The following NRXN1 variants were observed in gnomAD, a reference collection of about 807,000 sequenced individuals.
The protein encoded by NRXN1 is neurexin-1.
In NRXN1, 39 loss-of-function variants were observed where a neutral mutation model predicts 150.9. That is an observed-to-expected ratio of 0.26 (90% CI 0.20 to 0.34). The LOEUF (loss-of-function observed/expected upper bound fraction) is 0.34. Among genes scored for constraint, NRXN1 ranks in the 10% least tolerant of loss-of-function variants. The pLI, the probability that NRXN1 is intolerant of heterozygous loss-of-function variation, is 1.00. For synonymous variants in NRXN1, 924 were observed against 757.0 expected (o/e 1.22, Z -3.62); for missense variants, 1,815 against 1,949.9 (o/e 0.93, Z 1.30).
rs555013247 is a variant in NRXN1 at position 50,625,197 on chromosome 2, A to G, written c.833-1582T>C. On this transcript the variant is annotated intron_variant, in intron 5 of 22. Coordinates refer to ENST00000401669, the MANE Select transcript of NRXN1 (RefSeq NM_001330078.2). ...ATTGTCAAATAACTCACGTCCTGGA[A>G]TCAGAGCTCAAATCGCTTTCAACGC... Among the ~76,000 whole-genome samples, 63 of 152,140 alleles carry G rather than the reference A, an allele frequency of 4.1e-4. 1 individual carries two copies. Among genetic ancestry groups the G allele is most frequent in the African/African-American group, 1.3e-3 (54 of 41,534 alleles).
chr2:50,881,922 C>A (rs1327476274), intron 5 of NRXN1, among the ~76,000 whole-genome samples: 3 of 151,566 alleles, frequency 2.0e-5, no homozygotes, highest in East Asian at 2.0e-4. Flanking sequence ...ATAATACAAA[C>A]TTTTTTTTCT....
intron 5 of NRXN1, among the ~76,000 whole-genome samples, chr2:50,849,188 G>C (rs1406028743): frequency 6.6e-6 from 1 of 152,132 alleles, no homozygotes; most frequent in Non-Finnish European, 1.5e-5. Flanking sequence ...TTATAAGTGG[G>C]CAAGAAGGTC....
chr2:50,884,547 C>G (rs777877347), intron 5 of NRXN1, among the ~76,000 whole-genome samples: 7 of 151,612 alleles, frequency 4.6e-5, no homozygotes, highest in African/African-American at 9.7e-5. Flanking sequence ...TACTAGAGAT[C>G]ATGTATTCAT....
At chr2:50,302,920 TCCATC>T (rs1467888091) in intron 17 of NRXN1, among the ~76,000 whole-genome samples, 4 of 8,972 alleles carry the variant, frequency 4.5e-4, no homozygotes, top group Non-Finnish European at 6.0e-4. Flanking sequence ...AGGCCATCCA[TCCATC>T]CATCCATCCA....
At chr2:50,593,244 T>C (rs1457717164) in intron 8 of NRXN1, among the ~76,000 whole-genome samples, 3 of 152,216 alleles carry the variant, frequency 2.0e-5, no homozygotes, top group Admixed American at 1.3e-4. Flanking sequence ...TGCACAAGAA[T>C]ATGTTTGGAG....
chr2:50,064,433 C>CT (rs70946885), intron 19 of NRXN1, among the ~76,000 whole-genome samples: 91,711 of 148,110 alleles, frequency 0.62, 28,387 homozygotes, highest in Middle Eastern at 0.67. Flanking sequence ...GTGGGATCTT[C>CT]TTTTTTTTTT....
chr2:50,540,112 G>T (rs1401937245), intron 9 of NRXN1, among the ~76,000 whole-genome samples: 1 of 152,150 alleles, frequency 6.6e-6, no homozygotes, highest in Non-Finnish European at 1.5e-5. Flanking sequence ...AGGTGGCCGA[G>T]TCATTAAGAG....
At chr2:50,784,120 G>C (rs563045004) in intron 5 of NRXN1, among the ~76,000 whole-genome samples, 20 of 151,936 alleles carry the variant, frequency 1.3e-4, no homozygotes, top group Admixed American at 5.3e-4. Flanking sequence ...TGTATGGGTG[G>C]GTATGTATGT....
At chr2:49,991,289 T>C (rs1327036536) in intron 21 of NRXN1, among the ~76,000 whole-genome samples, 1 of 152,054 alleles carries the variant, frequency 6.6e-6, no homozygotes, top group Admixed American at 6.5e-5. Context: ...GAAATAAAAC[T>C]ATCTTTGCTT....
intron 17 of NRXN1, among the ~76,000 whole-genome samples, chr2:50,357,535 C>T (rs2078907385): frequency 1.3e-5 from 2 of 151,816 alleles, no homozygotes; most frequent in East Asian, 3.9e-4. Flanking sequence ...CTCGAACTCC[C>T]AACCTCAGGT....
At chr2:50,675,935 A>T (rs578203119) in intron 5 of NRXN1, among the ~76,000 whole-genome samples, 20 of 152,152 alleles carry the variant, frequency 1.3e-4, no homozygotes, top group Non-Finnish European at 2.5e-4. Flanking sequence ...CCAGTCAAAA[A>T]GACAAAATAT....
intron 17 of NRXN1, among the ~76,000 whole-genome samples, chr2:50,292,090 T>G (rs1301094254): frequency 1.3e-5 from 2 of 152,116 alleles, no homozygotes; most frequent in Non-Finnish European, 2.9e-5. Context: ...AAATCAGGAG[T>G]CAGCAAACCA....
intron 17 of NRXN1, among the ~76,000 whole-genome samples, chr2:50,337,237 C>A (rs564894908): frequency 6.6e-6 from 1 of 152,080 alleles, no homozygotes; most frequent in East Asian, 1.9e-4. Context: ...AGGCAAAGGC[C>A]ACCATGCCCA....
chr2:50,761,619 A>G (rs906646024), intron 5 of NRXN1, among the ~76,000 whole-genome samples: 1 of 151,856 alleles, frequency 6.6e-6, no homozygotes, highest in Non-Finnish European at 1.5e-5. Flanking sequence ...TGTGATGGTT[A>G]ATATTGAGTG....
chr2:50,863,443 G>A (rs1034555040), intron 5 of NRXN1, among the ~76,000 whole-genome samples: 1 of 151,906 alleles, frequency 6.6e-6, no homozygotes, highest in African/African-American at 2.4e-5. Flanking sequence ...GAGTTTCAGA[G>A]TAAACCTGCT....
chr2:50,803,555 T>C (rs1464661214), intron 5 of NRXN1, among the ~76,000 whole-genome samples: 1 of 152,218 alleles, frequency 6.6e-6, no homozygotes, highest in African/African-American at 2.4e-5. Context: ...TTCAATTTTT[T>C]CTAAGTTGGT....
At chr2:50,559,245 T>C (rs927327499) in intron 8 of NRXN1, among the ~76,000 whole-genome samples, 1 of 152,228 alleles carries the variant, frequency 6.6e-6, no homozygotes, top group Admixed American at 6.5e-5. Context: ...AAGTGAAAAG[T>C]ACAAGCGTCA....
At chr2:50,244,387 T>C (rs553696656) in intron 17 of NRXN1, among the ~76,000 whole-genome samples, 12 of 152,032 alleles carry the variant, frequency 7.9e-5, no homozygotes, top group African/African-American at 2.9e-4. Context: ...TTAATGATGT[T>C]CATTGGTGTC....
chr2:50,251,026 T>G (rs550079160), intron 17 of NRXN1, among the ~76,000 whole-genome samples: 1 of 142,300 alleles, frequency 7.0e-6, no homozygotes, highest in African/African-American at 2.7e-5. Flanking sequence ...TTACATATTG[T>G]ATATGTAATA....
Sources: gnomAD v4.1 joint callset for allele counts (sites outside exome capture counted in the v4.1 genomes callset) on GRCh38, gnomAD v4.1.1 for gene constraint, MANE v1.5 for transcripts, NCBI Gene and HGNC (gene_info 2026-07-23, HGNC 2026-07-21) for gene names.